The following CRX variants were observed in gnomAD, a reference collection of about 807,000 sequenced individuals.
The protein encoded by CRX is cone-rod homeobox protein.
Under a neutral mutation model 13.1 loss-of-function variants are expected in CRX, and 5 were observed. The observed-to-expected ratio is 0.38, with a 90% CI of 0.20 to 0.80. CRX has a LOEUF of 0.80. Among genes scored for constraint, CRX ranks in the 30% least tolerant of loss-of-function variants. The pLI, the probability that CRX is intolerant of heterozygous loss-of-function variation, is 0.43. For missense variants in CRX, 351 were observed against 391.8 expected, an observed-to-expected ratio of 0.90 and a Z score of 0.88; for synonymous variants, 179 against 171.1, an observed-to-expected ratio of 1.05 and a Z score of -0.36.
At chr19:47,835,122 A>G in intron 2 of CRX, among the ~76,000 whole-genome samples, 1 of 152,106 alleles carries the variant, frequency 6.6e-6, no homozygotes, top group South Asian at 2.1e-4. Context: ...GGCCTCCCAA[A>G]TAGCTAGGAT....
intron 3 of CRX, among the ~76,000 whole-genome samples, chr19:47,838,627 T>C (rs1166600398): frequency 6.6e-6 from 1 of 152,086 alleles, no homozygotes; most frequent in Admixed American, 6.5e-5. Context: ...TGTATATGTG[T>C]ATGATGTATG....
chr19:47,839,419 A>G lies in CRX; in HGVS notation c.352A>G (p.Lys118Glu). The G allele has an allele frequency of 6.2e-7, 1 of 1,613,812 alleles. No individual in the cohort carries two copies. The highest frequency in any genetic ancestry group is 8.5e-7 in the Non-Finnish European group (1 of 1,179,864). The change falls in exon 4 of 4, where the codon AAG becomes GAG. Residue 118 changes from lysine to glutamate, a missense_variant. By Grantham distance (56) the Lys-to-Glu change is moderately conservative. Around this residue, in one of 3 missense-constraint regions of CRX, gnomAD observed 253 missense variants for 268.3 expected, o/e 0.94. Transcript: ENST00000221996. The surrounding 1 kb of genome is among the most constrained non-coding windows in gnomAD (Gnocchi z 4.6). ...PGGQAKARPA[K>E]RKAGTSPRPS... ...GGGCCAGGCCAAGGCCCGGCCTGCC[A>G]AGAGGAAGGCGGGCACGTCCCCAAG... is the stretch of plus-strand genomic sequence containing the variant.
intron 1 of CRX, among the ~76,000 whole-genome samples, chr19:47,824,847 C>A (rs1967955943): frequency 6.6e-6 from 1 of 152,000 alleles, no homozygotes; most frequent in African/African-American, 2.4e-5. Flanking sequence ...CCCTTGAAAT[C>A]ATAAAACATC....
intron 3 of CRX, among the ~76,000 whole-genome samples, chr19:47,838,633 G>A (rs866589764): frequency 4.0e-5 from 6 of 150,580 alleles, no homozygotes; most frequent in Middle Eastern, 6.8e-3. Context: ...TGTGTATGAT[G>A]TATGTATGTA....
At chr19:47,836,520 T>C in intron 3 of CRX, 126 bp downstream of exon 3, 1 of 1,265,240 alleles carries the variant, frequency 7.9e-7, no homozygotes, top group South Asian at 1.3e-5. Context: ...AAGGGGACAA[T>C]AATCCCTCTC....
At chr19:47,829,413 C>A (rs1390837707) in intron 1 of CRX, among the ~76,000 whole-genome samples, 1 of 152,114 alleles carries the variant, frequency 6.6e-6, no homozygotes, top group East Asian at 1.9e-4. Flanking sequence ...CTCACTGCAA[C>A]CTCTGCCTCC....
chr19:47,829,582 C>T (rs12984445), intron 1 of CRX, among the ~76,000 whole-genome samples: 74,966 of 151,834 alleles, frequency 0.49, 19,149 homozygotes, highest in Middle Eastern at 0.62. Flanking sequence ...CCATCTGCCT[C>T]GGCCTCCCAA....
chr19:47,837,759 T>TAGAC (rs147750643), intron 3 of CRX, among the ~76,000 whole-genome samples: 1 of 152,024 alleles, frequency 6.6e-6, no homozygotes, highest in South Asian at 2.1e-4. Context: ...ATGTATAAGA[T>TAGAC]GGATGAATCT....
At chr19:47,834,135 C>T (rs373388415) in intron 1 of CRX, among the ~76,000 whole-genome samples, 10 of 151,930 alleles carry the variant, frequency 6.6e-5, no homozygotes, top group African/African-American at 1.2e-4. Context: ...CTAGCCAGGA[C>T]GAGATTTTTA....
In CRX at chr19:47,828,326, C is replaced by T. The variant is rs146781018; in HGVS notation, c.-35-6083C>T. Among the ~76,000 whole-genome samples the T allele has an allele frequency of 1.1e-3, 164 of 152,142 alleles. 3 individuals carry two copies. In the East Asian group the frequency reaches 0.02, roughly 19 times the overall value. On this transcript the variant is annotated intron_variant, in intron 1 of 3. Coordinates refer to ENST00000221996, the MANE Select transcript of CRX (RefSeq NM_000554.6). ...ATTTACTGAATGAACAGTAGAATCT[C>T]AACTTAAAATAAACAGAATCTGTCC...
intron 3 of CRX, among the ~76,000 whole-genome samples, chr19:47,838,298 C>T (rs11666676): frequency 0.18 from 26,999 of 151,790 alleles, 2,668 homozygotes; most frequent in Non-Finnish European, 0.22. Flanking sequence ...CATGTATGTA[C>T]GCATACATGC....
At chr19:47,837,466 C>T (rs951727541) in intron 3 of CRX, among the ~76,000 whole-genome samples, 6 of 152,142 alleles carry the variant, frequency 3.9e-5, no homozygotes, top group South Asian at 4.1e-4. Context: ...CGCGCCCGGC[C>T]GGATGGGTGT....
intron 1 of CRX, among the ~76,000 whole-genome samples, chr19:47,832,352 T>C (rs12974948): frequency 0.51 from 76,885 of 151,176 alleles, 20,091 homozygotes; most frequent in Middle Eastern, 0.63. Flanking sequence ...GTGATCTGCC[T>C]GCCTTGGCCT....
In CRX at chr19:47,839,392, G is replaced by T; in HGVS notation, c.325G>T (p.Gly109Trp). ...QQQKQQQQPP[G>W]GQAKARPAKR... ...GCAGAAACAGCAGCAGCAGCCCCCAGGGGGCCAGGCCAAGGCCCGGCCTGC... is the reference window on the plus strand; with the variant it reads ...GCAGAAACAGCAGCAGCAGCCCCCATGGGGCCAGGCCAAGGCCCGGCCTGC... The change falls in exon 4 of 4, where the codon GGG becomes TGG. Residue 109 changes from glycine (G) to tryptophan (W), a missense_variant. By Grantham distance (184) the Gly-to-Trp change is radical. Coordinates refer to ENST00000221996, the MANE Select transcript of CRX (RefSeq NM_000554.6). This position sits in a 1 kb window ranked among gnomAD's most constrained non-coding sequence, Gnocchi z 4.6. 6.2e-7 allele frequency: 1 copy of T among 1,613,586 alleles called. No individual in the cohort carries two copies. Among genetic ancestry groups the T allele is most frequent in the Non-Finnish European group, 8.5e-7 (1 of 1,179,812 alleles).
chr19:47,833,057 G>A (rs1968072969), intron 1 of CRX, among the ~76,000 whole-genome samples: 1 of 92,712 alleles, frequency 1.1e-5, no homozygotes, highest in South Asian at 3.7e-4. Flanking sequence ...TTTTGAGATA[G>A]GGGTCTATTT....
In CRX at chr19:47,841,857, TA is replaced by T. The variant is rs796977583; in HGVS notation, c.*1900del. ...TTGGTGGAGTTCACAAGGCAAGGTG[TA>T]AAAAAAAAAGTAGGGCAGGAAGACA... On this transcript the variant is annotated 3_prime_UTR_variant, in exon 4 of 4. Coordinates refer to ENST00000221996, the MANE Select transcript of CRX (RefSeq NM_000554.6). 53,052 of 148,148 alleles carry T rather than the reference TA, an allele frequency of 0.36. 9,665 individuals are homozygous for T. Among genetic ancestry groups the T allele is most frequent in the Non-Finnish European group, 0.41 (27,166 of 67,008 alleles). The allele number at this position is 148,148 out of a possible 1,614,324, so 9.2% of individuals were successfully genotyped here. A position where few individuals can be genotyped will look rare whatever the true frequency, so the allele number is the denominator to read the frequency against.
chr19:47,823,314 C>T (rs1331379511), intron 1 of CRX, among the ~76,000 whole-genome samples: 30 of 152,128 alleles, frequency 2.0e-4, no homozygotes, highest in African/African-American at 7.2e-5. Context: ...AGGTGTGATG[C>T]GGTTTTCCCA....
intron 1 of CRX, among the ~76,000 whole-genome samples, chr19:47,833,271 G>GT (rs924025231): frequency 1.8e-4 from 26 of 145,590 alleles, no homozygotes; most frequent in South Asian, 4.8e-4. Flanking sequence ...TTTTGTTTTT[G>GT]TTTTTTTGTT....
chr19:47,834,817 A>T (rs1006514324), intron 2 of CRX, among the ~76,000 whole-genome samples: 1 of 151,910 alleles, frequency 6.6e-6, no homozygotes, highest in Non-Finnish European at 1.5e-5. Context: ...TTTATTATTT[A>T]TTTATTTTTC....
Sources: gnomAD v4.1 joint callset for allele counts (sites outside exome capture counted in the v4.1 genomes callset) on GRCh38, gnomAD v4.1.1 for gene constraint, gnomAD v4.1.1 regional missense constraint, Gnocchi (gnomAD v3.1) non-coding constraint, MANE v1.5 for transcripts, NCBI Gene and HGNC (gene_info 2026-07-23, HGNC 2026-07-21) for gene names.